Variants in ATP1B1 observed in about 807,000 individuals in gnomAD.
ATP1B1 encodes the protein sodium/potassium-transporting ATPase subunit beta-1.
Under a neutral mutation model 39.6 loss-of-function variants are expected in ATP1B1, and 3 were observed. The observed-to-expected ratio is 0.08, with a 90% CI of 0.03 to 0.20. The LOEUF (loss-of-function observed/expected upper bound fraction) is 0.20. ATP1B1 is among the 10% of genes least tolerant of loss of function. The pLI is 1.00. For synonymous variants in ATP1B1, 139 were observed against 135.0 expected (o/e 1.03, Z -0.20); for missense variants, 216 against 371.1 (o/e 0.58, Z 3.43).
intron 1 of ATP1B1, chr1:169,110,610 C>A: frequency 8.4e-7 from 1 of 1,188,520 alleles, no homozygotes; most frequent in Non-Finnish European, 1.1e-6. Flanking sequence ...TTTCAGCCTC[C>A]ATCCTGTTGT....
intron 2 of ATP1B1, among the ~76,000 whole-genome samples, chr1:169,120,456 G>T (rs1038357941): frequency 3.3e-5 from 5 of 152,178 alleles, no homozygotes; most frequent in African/African-American, 1.2e-4. Context: ...GCTTTCTGGG[G>T]TTTATCTGTC....
At chr1:169,108,082 A>C (rs1657642337) in intron 1 of ATP1B1, 1 of 146,392 alleles carries the variant, frequency 6.8e-6, no homozygotes. Flanking sequence ...GAATATATGA[A>C]TTTTTGTAAA....
At chr1:169,110,799 G>A in intron 1 of ATP1B1, 1 of 705,328 alleles carries the variant, frequency 1.4e-6, no homozygotes, top group East Asian at 7.5e-5. Context: ...AAACCAAAGG[G>A]AGAGTGATAG....
At chr1:169,110,519 G>T (rs1156302578) in intron 1 of ATP1B1, 1 of 649,320 alleles carries the variant, frequency 1.5e-6, no homozygotes, top group Middle Eastern at 3.3e-4. Context: ...GATAATCCTT[G>T]TAAACCAGTA....
chr1:169,132,323 C>G lies in ATP1B1; in HGVS notation c.*768C>G. Reference sequence around the variant, plus strand: ...GTCTGAGATCTGGATCTGCCCATCACTTTGGCTAGTGACAGGGCTAATTAA... The same window carrying G: ...GTCTGAGATCTGGATCTGCCCATCAGTTTGGCTAGTGACAGGGCTAATTAA... On this transcript the variant is annotated 3_prime_UTR_variant, in exon 6 of 6. Transcript: ENST00000367815. The G allele has an allele frequency of 2.1e-6, 1 of 487,272 alleles. No homozygotes were observed. The highest frequency in any genetic ancestry group is 3.7e-6 in the Non-Finnish European group (1 of 270,226). 30.2% of individuals were successfully genotyped at this position (487,272 alleles called of 1,614,324 possible).
rs2101796191 is a variant in ATP1B1, at chr1:169,131,313, G to A, written c.670G>A (p.Val224Ile). The part of the protein sequence containing the change: ...TGKRDEDKDK[V>I]GNVEYFGLGN... Reference sequence around the variant, plus strand: ...TCAGCGAGATGAAGATAAGGATAAAGTTGGAAATGTGGAGTATTTTGGACT... The same window carrying A: ...TCAGCGAGATGAAGATAAGGATAAAATTGGAAATGTGGAGTATTTTGGACT... The change falls in exon 6 of 6, where the codon GTT becomes ATT. Residue 224 changes from valine to isoleucine, a missense_variant. By Grantham distance (29) the Val-to-Ile change is conservative. Transcript: ENST00000367815. This position sits in a 1 kb window ranked among gnomAD's most constrained non-coding sequence, Gnocchi z 4.4. 1.2e-6 allele frequency: 2 copies of A among 1,613,822 alleles called. No homozygotes were observed. Among genetic ancestry groups the A allele is most frequent in the Non-Finnish European group, 1.7e-6 (2 of 1,179,886 alleles).
At chr1:169,129,789 G>A (rs1477913105) in intron 4 of ATP1B1, among the ~76,000 whole-genome samples, 1 of 152,190 alleles carries the variant, frequency 6.6e-6, no homozygotes, top group Non-Finnish European at 1.5e-5. Flanking sequence ...CTTAATTGTA[G>A]TCGTTATAAA....
At chr1:169,109,608 G>A (rs532499042) in intron 1 of ATP1B1, among the ~76,000 whole-genome samples, 11 of 152,176 alleles carry the variant, frequency 7.2e-5, no homozygotes, top group Admixed American at 1.3e-4. Flanking sequence ...CTTGCAAAAT[G>A]ACTTGTTTTT....
Position 169,106,713 on chromosome 1 carries a change from G to C in ATP1B1, c.-117G>C. On this transcript the variant is annotated 5_prime_UTR_variant, in exon 1 of 6. Coordinates refer to ENST00000367815, the MANE Select transcript of ATP1B1 (RefSeq NM_001677.4). Reference sequence around the variant, plus strand: ...GCACTCCGAGAGCCGCAGCGGCAGCGGCGCGTCCTGCCTGCAGAGAGCCAG... The same window carrying C: ...GCACTCCGAGAGCCGCAGCGGCAGCCGCGCGTCCTGCCTGCAGAGAGCCAG... 1.4e-6 allele frequency: 1 copy of C among 708,042 alleles called. No individual in the cohort carries two copies. The highest frequency in any genetic ancestry group is 2.1e-6 in the Non-Finnish European group (1 of 472,168). The allele number at this position is 708,042 out of a possible 1,614,324, so 43.9% of individuals were successfully genotyped here. A position where few individuals can be genotyped will look rare whatever the true frequency, so the allele number is the denominator to read the frequency against.
intron 3 of ATP1B1, 72 bp from the exon 4 acceptor site, chr1:169,127,152 A>G: frequency 6.9e-7 from 1 of 1,450,798 alleles, no homozygotes; most frequent in Non-Finnish European, 9.1e-7. Context: ...ATGACAAGGA[A>G]GACAGTTTCT....
At chr1:169,119,828 CTG>C (rs1657936461) in intron 2 of ATP1B1, among the ~76,000 whole-genome samples, 1 of 152,122 alleles carries the variant, frequency 6.6e-6, no homozygotes, top group African/African-American at 2.4e-5. Flanking sequence ...TGGGAACTGT[CTG>C]TAATAATTAC....
intron 1 of ATP1B1, chr1:169,110,775 T>C (rs1406266194): frequency 1.0e-6 from 1 of 980,824 alleles, no homozygotes; most frequent in East Asian, 6.3e-5. Flanking sequence ...AAGAGTGTGC[T>C]TTGTTGATAA....
intron 2 of ATP1B1, among the ~76,000 whole-genome samples, chr1:169,122,712 A>G (rs1336446363): frequency 7.2e-6 from 1 of 138,188 alleles, no homozygotes; most frequent in Non-Finnish European, 1.6e-5. Context: ...GTCCCCCATA[A>G]TTCTTCAGGT....
At chr1:169,122,524 A>C (rs948878643) in intron 2 of ATP1B1, among the ~76,000 whole-genome samples, 1 of 152,196 alleles carries the variant, frequency 6.6e-6, no homozygotes, top group Non-Finnish European at 1.5e-5. Context: ...CAATTTTAAC[A>C]TAGAAAAAGA....
chr1:169,114,155 A>G (rs1331265134), intron 2 of ATP1B1, among the ~76,000 whole-genome samples: 1 of 112,702 alleles, frequency 8.9e-6, no homozygotes, highest in Non-Finnish European at 2.0e-5. Context: ...GCATTTTTCA[A>G]TGCCAAGGAC....
rs1359025836 is a variant in ATP1B1 at position 169,131,761 on chromosome 1, CAAAA to C, written c.*207_*210del. On this transcript the variant is annotated 3_prime_UTR_variant, in exon 6 of 6. Transcript: ENST00000367815. The surrounding 1 kb of genome is among the most constrained non-coding windows in gnomAD (Gnocchi z 4.4). ...AAAATATTTATTCTACTGTAAATGA[CAAAA>C]GAAAAAGAAAAATTGAGCCTTGGGA... 9.0e-6 allele frequency: 6 copies of C among 668,286 alleles called. No individual in the cohort carries two copies. The highest frequency in any genetic ancestry group is 1.2e-5 in the Non-Finnish European group (5 of 425,828). The allele number at this position is 668,286 out of a possible 1,614,324, so 41.4% of individuals were successfully genotyped here.
At chr1:169,117,023 A>G (rs777512397) in intron 2 of ATP1B1, among the ~76,000 whole-genome samples, 2 of 152,026 alleles carry the variant, frequency 1.3e-5, no homozygotes, top group Non-Finnish European at 2.9e-5. Flanking sequence ...ACTATCTCTC[A>G]CTCACACTTC....
chr1:169,130,035 C>T lies in ATP1B1; in HGVS notation c.593C>T (p.Thr198Ile), dbSNP rs1187868063. 3 of 1,614,004 alleles carry T rather than the reference C, an allele frequency of 1.9e-6. No homozygotes were observed. The highest frequency in any genetic ancestry group is 1.1e-5 in the South Asian group (1 of 91,070). Residue 198 changes from threonine to isoleucine, a missense_variant, in exon 5 of 6, where the codon ACT becomes ATT. Coordinates refer to ENST00000367815, the MANE Select transcript of ATP1B1 (RefSeq NM_001677.4). ...CCTCCCAAGAATGAGTCCTTGGAGACTTACCCAGTGATGAAGTATAACCCA... is the reference window on the plus strand; with the variant it reads ...CCTCCCAAGAATGAGTCCTTGGAGATTTACCCAGTGATGAAGTATAACCCA... ...PKPPKNESLETYPVMKYNPNV... is the reference protein window; with the variant it reads ...PKPPKNESLEIYPVMKYNPNV...
At chr1:169,112,676 G>T (rs1462990853) in intron 2 of ATP1B1, among the ~76,000 whole-genome samples, 1 of 152,190 alleles carries the variant, frequency 6.6e-6, no homozygotes, top group Non-Finnish European at 1.5e-5. Context: ...AAGCATTGTT[G>T]TGTAGCCCTA....
Sources: gnomAD v4.1 joint callset for allele counts (sites outside exome capture counted in the v4.1 genomes callset) on GRCh38, gnomAD v4.1.1 for gene constraint, Gnocchi (gnomAD v3.1) non-coding constraint, MANE v1.5 for transcripts, NCBI Gene and HGNC (gene_info 2026-07-23, HGNC 2026-07-21) for gene names.